Variants in TMEM192 observed in about 807,000 individuals in gnomAD.
TMEM192 encodes the protein transmembrane protein 192.
A neutral mutation model predicts 26.7 loss-of-function variants in TMEM192; 20 were observed. The observed-to-expected ratio is 0.75, with a 90% CI of 0.53 to 1.09. The LOEUF is 1.09. Among genes scored for constraint, TMEM192 ranks in the 50% least tolerant of loss-of-function variants. The pLI is 0.00. For synonymous variants in TMEM192, 124 were observed against 121.0 expected (o/e 1.02, Z -0.16); for missense variants, 304 against 322.6 (o/e 0.94, Z 0.44).
At chr4:165,106,430 A>G (rs780862434) in intron 1 of TMEM192, among the ~76,000 whole-genome samples, 27 of 152,186 alleles carry the variant, frequency 1.8e-4, no homozygotes, top group Admixed American at 6.5e-4. Context: ...GTCAATATTA[A>G]GTGTCAAATG....
chr4:165,101,614 A>G (rs1344041685), intron 2 of TMEM192, among the ~76,000 whole-genome samples: 1 of 152,174 alleles, frequency 6.6e-6, no homozygotes, highest in Non-Finnish European at 1.5e-5. Context: ...AAGTAAAAGG[A>G]AAGAAGAAAA....
At chr4:165,107,314 AC>A (rs1319864274) in intron 1 of TMEM192, among the ~76,000 whole-genome samples, 1 of 146,834 alleles carries the variant, frequency 6.8e-6, no homozygotes, top group Non-Finnish European at 1.5e-5. Flanking sequence ...GAACCACTGT[AC>A]CCAACCTTTT....
At chr4:165,088,656 T>G (rs1053334318) in intron 3 of TMEM192, 54 bp from the exon 4 acceptor site, 147 of 1,525,616 alleles carry the variant, frequency 9.6e-5, no homozygotes, top group Non-Finnish European at 1.3e-4. Context: ...ATATATGGTC[T>G]TTGTCCAATA....
At chr4:165,101,443 T>C (rs930084100) in intron 2 of TMEM192, among the ~76,000 whole-genome samples, 12 of 152,256 alleles carry the variant, frequency 7.9e-5, no homozygotes, top group Middle Eastern at 3.4e-3. Context: ...CTCTGCTCAC[T>C]GCAGCCTCAA....
chr4:165,112,639 G>T, intron 1 of TMEM192, 108 bp downstream of exon 1: 1 of 1,503,160 alleles, frequency 6.7e-7, no homozygotes, highest in Non-Finnish European at 9.0e-7. Flanking sequence ...TTCGGCCGCG[G>T]CCGCAGTCGC....
At chr4:165,098,128 C>T (rs556683142) in intron 3 of TMEM192, among the ~76,000 whole-genome samples, 1 of 151,264 alleles carries the variant, frequency 6.6e-6, no homozygotes, top group African/African-American at 2.4e-5. Context: ...CGTGCCCGGC[C>T]TTAATTTTTT....
In TMEM192 at chr4:165,083,466, A is replaced by C. The variant is rs1314185621; in HGVS notation, c.677+2120T>G. On this transcript the variant is annotated intron_variant, in intron 5 of 5. Coordinates refer to ENST00000306480, the MANE Select transcript of TMEM192 (RefSeq NM_001100389.2). ...GAAACCGAGGGTAAAGGATTCTAGA[A>C]CTATCAAGATATCATCAGTTTACAC... Among the ~76,000 whole-genome samples the C allele has an allele frequency of 3.0e-4, 12 of 40,668 alleles. 6 individuals carry two copies. Among genetic ancestry groups the C allele is most frequent in the Non-Finnish European group, 9.4e-4 (10 of 10,672 alleles). 26.7% of individuals were successfully genotyped at this position (40,668 alleles called of 152,430 possible). A position where few individuals can be genotyped will look rare whatever the true frequency, so the allele number is the denominator to read the frequency against.
At chr4:165,109,383 C>T (rs913544445) in intron 1 of TMEM192, among the ~76,000 whole-genome samples, 2 of 152,106 alleles carry the variant, frequency 1.3e-5, no homozygotes, top group African/African-American at 2.4e-5. Flanking sequence ...ACTTTTGAGA[C>T]AGAATTTCGC....
rs1182910311 is a variant in TMEM192, at chr4:165,100,845, A to T, written c.222T>A (p.Tyr74Ter). The T allele has an allele frequency of 6.2e-7, 1 of 1,614,148 alleles. No individual in the cohort carries two copies. Among genetic ancestry groups the T allele is most frequent in the East Asian group, 2.2e-5 (1 of 44,876 alleles). The change falls in exon 3 of 6, where the codon TAT becomes TAA. Residue 74 changes from tyrosine to a stop codon, truncating the protein, a stop_gained. Transcript: ENST00000306480. LOFTEE classifies it high-confidence loss of function. Reference sequence around the variant, plus strand: ...GGCACTTGTCCTCATTTGGATTAGGATAAGAACAAAGCACACCTGTTAAAA... The same window carrying T: ...GGCACTTGTCCTCATTTGGATTAGGTTAAGAACAAAGCACACCTGTTAAAA... Reference protein sequence around the residue: ...LAFLTGVLCSYPNPNEDKCPG... With the variant: ...LAFLTGVLCS
intron 1 of TMEM192, among the ~76,000 whole-genome samples, chr4:165,106,362 C>T (rs1162207467): frequency 1.3e-5 from 2 of 152,268 alleles, no homozygotes; most frequent in South Asian, 4.1e-4. Context: ...TCTTTCACTG[C>T]TCCAAGACAA....
In TMEM192 at chr4:165,100,770, C is replaced by T. The variant is rs1735021627; in HGVS notation, c.297G>A (p.Gly99=). The change falls in exon 3 of 6, where the codon GGG becomes GGA. Residue 99 remains glycine (G), a synonymous_variant. Coordinates refer to ENST00000306480, the MANE Select transcript of TMEM192 (RefSeq NM_001100389.2). The part of the protein sequence containing the change: ...PLKVQTVIIL[G]KVILWILHLL... ...AATGGAGAATCCACAAAATAACTTT[C>T]CCAAGGATTATAACCGTCTGAACTT... The T allele has an allele frequency of 3.7e-6, 6 of 1,614,044 alleles. No homozygotes were observed. The highest frequency in any genetic ancestry group is 1.3e-5 in the African/African-American group (1 of 74,988).
rs1214787407 is a variant in TMEM192, at chr4:165,071,196, T to G, written c.*8462A>C. The G allele has an allele frequency of 1.3e-5, 2 of 151,980 alleles. No homozygotes were observed. The highest frequency in any genetic ancestry group is 4.8e-5 in the African/African-American group (2 of 41,374). 9.4% of individuals were successfully genotyped at this position (151,980 alleles called of 1,614,324 possible). ...TAACAACATTAATAACAAAATAGAATAATTATAGCAATATACTATAATAAA... is the reference window on the plus strand; with the variant it reads ...TAACAACATTAATAACAAAATAGAAGAATTATAGCAATATACTATAATAAA... On this transcript the variant is annotated 3_prime_UTR_variant, in exon 6 of 6. Transcript: ENST00000306480.
chr4:165,074,760 G>C lies in TMEM192; in HGVS notation c.*4898C>G, dbSNP rs568739613. 1 of 151,838 alleles carries C rather than the reference G, an allele frequency of 6.6e-6. No individual in the cohort carries two copies. The highest frequency in any genetic ancestry group is 2.1e-4 in the South Asian group (1 of 4,798). 9.4% of individuals were successfully genotyped at this position (151,838 alleles called of 1,614,324 possible). A position where few individuals can be genotyped will look rare whatever the true frequency, so the allele number is the denominator to read the frequency against. On this transcript the variant is annotated 3_prime_UTR_variant, in exon 6 of 6. Transcript: ENST00000306480. ...GCCCAGCCTTAATTTTGTATTTTTAGTAGAAATGGGGTTTCTCCATGTTGG... is the reference window on the plus strand; with the variant it reads ...GCCCAGCCTTAATTTTGTATTTTTACTAGAAATGGGGTTTCTCCATGTTGG...
In TMEM192 at chr4:165,104,619, C is replaced by A. The variant is rs1735121510; in HGVS notation, c.28-1523G>T. 2.0e-5 allele frequency among the ~76,000 whole-genome samples: 3 copies of A among 152,208 alleles called. No homozygotes were observed. The South Asian group carries it at 6.2e-4, about 32-fold the overall frequency. On this transcript the variant is annotated intron_variant, in intron 1 of 5. Transcript: ENST00000306480. ...AATCTCGGCTCATTGCAACTTCTGC[C>A]CCCTGGGTTCAATCGATTCTCCTGT... is the stretch of plus-strand genomic sequence containing the variant.
At chr4:165,089,394 C>T (rs867744117) in intron 3 of TMEM192, among the ~76,000 whole-genome samples, 1 of 152,088 alleles carries the variant, frequency 6.6e-6, no homozygotes, top group Non-Finnish European at 1.5e-5. Context: ...TATCTCGGCT[C>T]ACTGCAAGCT....
chr4:165,107,653 CCT>C (rs1735196131), intron 1 of TMEM192, among the ~76,000 whole-genome samples: 1 of 152,086 alleles, frequency 6.6e-6, no homozygotes, highest in East Asian at 1.9e-4. Context: ...CAAGGATTTG[CCT>C]CTCACCATTT....
rs1734358751 is a variant in TMEM192, at chr4:165,075,572, TA to T, written c.*4085del. 1 of 134,190 alleles carries T rather than the reference TA, an allele frequency of 7.5e-6. No homozygotes were observed. The highest frequency in any genetic ancestry group is 2.6e-5 in the African/African-American group (1 of 38,730). The allele number at this position is 134,190 out of a possible 1,614,324, so 8.3% of individuals were successfully genotyped here. On this transcript the variant is annotated 3_prime_UTR_variant, in exon 6 of 6. Transcript: ENST00000306480. Reference sequence around the variant, plus strand: ...CCCAGCCGAAATACAAAATTTTTAGTATTTTTTTTTTTTTTTGAGATGGAGC... The same window carrying T: ...CCCAGCCGAAATACAAAATTTTTAGTTTTTTTTTTTTTTTTGAGATGGAGC...
intron 3 of TMEM192, among the ~76,000 whole-genome samples, chr4:165,093,384 C>T (rs577094028): frequency 1.3e-3 from 199 of 151,910 alleles, no homozygotes; most frequent in African/African-American, 4.3e-3. Context: ...TGTGAGCCAC[C>T]GCGCCTGGCC....
intron 3 of TMEM192, among the ~76,000 whole-genome samples, chr4:165,096,956 T>C (rs950930911): frequency 2.1e-4 from 1 of 4,800 alleles, no homozygotes; most frequent in Non-Finnish European, 2.4e-3. Flanking sequence ...AAAATTAAGT[T>C]TTTTCTTTTT....
Sources: allele counts gnomAD v4.1 joint callset (sites outside exome capture counted in the v4.1 genomes callset), GRCh38; gene constraint gnomAD v4.1.1; transcripts MANE v1.5; gene names NCBI Gene and HGNC (gene_info 2026-07-23, HGNC 2026-07-21).